SUSD1: variants seen among roughly 807,000 people sequenced by gnomAD.
SUSD1 encodes sushi domain-containing protein 1.
SUSD1 carries 65 observed loss-of-function variants against 86.9 expected under a neutral mutation model. That is an observed-to-expected ratio of 0.75 (90% CI 0.61 to 0.92). The LOEUF (loss-of-function observed/expected upper bound fraction) is 0.92. SUSD1 is among the 40% of genes least tolerant of loss of function. The pLI, the probability that SUSD1 is intolerant of heterozygous loss-of-function variation, is 0.00. For missense variants in SUSD1, 850 were observed against 929.7 expected (o/e 0.91, Z 1.11); for synonymous variants, 346 against 350.0 (o/e 0.99, Z 0.13).
chr9:112,052,441 A>T lies in SUSD1; in HGVS notation c.2110-3T>A, dbSNP rs367875330. 2 of 1,613,966 alleles carry T rather than the reference A, an allele frequency of 1.2e-6. No homozygotes were observed. Among genetic ancestry groups the T allele is most frequent in the African/African-American group, 2.7e-5 (2 of 74,942 alleles). Reference sequence around the variant, plus strand: ...ACTGCACAGGAGTGTCTTCTCACCTATAAAGGAAAACATAGCAATGCATTT... The same window carrying T: ...ACTGCACAGGAGTGTCTTCTCACCTTTAAAGGAAAACATAGCAATGCATTT... On this transcript the variant is annotated splice_region_variant and splice_polypyrimidine_tract_variant and intron_variant, in intron 14 of 16. Coordinates refer to ENST00000374270, the MANE Select transcript of SUSD1 (RefSeq NM_022486.5).
chr9:112,073,841 C>T (rs1412050659), intron 12 of SUSD1, among the ~76,000 whole-genome samples: 4 of 151,590 alleles, frequency 2.6e-5, no homozygotes, highest in East Asian at 1.9e-4. Flanking sequence ...TGCAGTGAGT[C>T]GAGATCACAC....
At chr9:112,093,284 A>G (rs71503506) in intron 10 of SUSD1, among the ~76,000 whole-genome samples, 3,605 of 152,284 alleles carry the variant, frequency 0.024, 71 homozygotes, top group Middle Eastern at 0.041. Flanking sequence ...TTTCCAAGTA[A>G]TAAGTTCATA....
intron 4 of SUSD1, among the ~76,000 whole-genome samples, chr9:112,142,961 CTTTTTTTTTTTTTTTTTTTTT>C (rs529470594): frequency 0.017 from 508 of 30,210 alleles, 9 homozygotes; most frequent in Middle Eastern, 0.071. Flanking sequence ...TGAATTTTAG[CTTTTTTTTTTTTTTTTTTTTT>C]TTTTTTTTTT....
At chr9:112,110,634 A>G (rs1831053563) in intron 8 of SUSD1, among the ~76,000 whole-genome samples, 1 of 151,608 alleles carries the variant, frequency 6.6e-6, no homozygotes, top group Non-Finnish European at 1.5e-5. Context: ...GCCTCAAGCA[A>G]TCCTCCTCAG....
At chr9:112,167,126 T>C (rs1287918264) in intron 1 of SUSD1, among the ~76,000 whole-genome samples, 1 of 151,892 alleles carries the variant, frequency 6.6e-6, no homozygotes, top group Non-Finnish European at 1.5e-5. Flanking sequence ...TTTTTTTGTC[T>C]CCCTCTTTCA....
At chr9:112,156,166 A>AAG (rs2131816033) in intron 2 of SUSD1, among the ~76,000 whole-genome samples, 1 of 151,416 alleles carries the variant, frequency 6.6e-6, no homozygotes, top group East Asian at 1.9e-4. Context: ...AAAGGTAAAA[A>AAG]AAAAAAAAAC....
At chr9:112,047,968 C>T (rs1415263173) in intron 15 of SUSD1, among the ~76,000 whole-genome samples, 2 of 152,192 alleles carry the variant, frequency 1.3e-5, no homozygotes, top group African/African-American at 4.8e-5. Flanking sequence ...CAGACTAAGA[C>T]ACTTGCAGTT....
chr9:112,102,041 T>C (rs1830654662), intron 9 of SUSD1, 135 bp downstream of exon 9: 1 of 501,140 alleles, frequency 2.0e-6, no homozygotes, highest in African/African-American at 2.0e-5. Context: ...ACATCTTACA[T>C]CCATCTCTAG....
At chr9:112,157,442 C>T in intron 2 of SUSD1, 58 bp downstream of exon 2, 3 of 1,252,290 alleles carry the variant, frequency 2.4e-6, no homozygotes, top group Non-Finnish European at 3.5e-6. Context: ...CTCTTTAATA[C>T]AAGAGAATCT....
chr9:112,091,428 G>A (rs946603942), intron 10 of SUSD1, among the ~76,000 whole-genome samples: 55 of 152,220 alleles, frequency 3.6e-4, no homozygotes, highest in African/African-American at 1.2e-3. Context: ...TAAGAGTAAT[G>A]GTTTTCTACC....
At chr9:112,152,749 A>ATTTTTTTTTTTTTTT (rs1731913056) in intron 2 of SUSD1, among the ~76,000 whole-genome samples, 1 of 78,264 alleles carries the variant, frequency 1.3e-5, no homozygotes, top group African/African-American at 5.9e-5. Flanking sequence ...ATTTTTTTTA[A>ATTTTTTTTTTTTTTT]TCTTTTTTTT....
Position 112,110,746 on chromosome 9 carries a change from A to G in SUSD1, c.1171+908T>C, listed in dbSNP as rs1016552517. 2.0e-5 allele frequency among the ~76,000 whole-genome samples: 3 copies of G among 150,482 alleles called. No individual in the cohort carries two copies. In the East Asian group the frequency reaches 5.8e-4, roughly 29 times the overall value. On this transcript the variant is annotated intron_variant, in intron 8 of 16. Coordinates refer to ENST00000374270, the MANE Select transcript of SUSD1 (RefSeq NM_022486.5). ...CCCATAACCAGAGCTTTTTTTTTTT[A>G]ACTTACTGTAATTGTCACAATGTTG...
chr9:112,112,049 C>T (rs1464397118), intron 7 of SUSD1: 1 of 487,580 alleles, frequency 2.1e-6, no homozygotes, highest in African/African-American at 2.0e-5. Flanking sequence ...AGAAATCTCC[C>T]TAGGAAGTGC....
chr9:112,165,949 GA>G (rs1418229038), intron 1 of SUSD1, among the ~76,000 whole-genome samples: 2 of 142,328 alleles, frequency 1.4e-5, no homozygotes, highest in Non-Finnish European at 3.0e-5. Flanking sequence ...AAAGAAGAAA[GA>G]AAGAAAGAAA....
intron 1 of SUSD1, among the ~76,000 whole-genome samples, chr9:112,170,553 C>T (rs1453139617): frequency 1.3e-5 from 2 of 152,110 alleles, no homozygotes; most frequent in Non-Finnish European, 2.9e-5. Context: ...GCGAAACACA[C>T]TTTCCTTACA....
intron 5 of SUSD1, among the ~76,000 whole-genome samples, chr9:112,126,706 A>G (rs933906446): frequency 6.6e-6 from 1 of 152,204 alleles, no homozygotes; most frequent in Non-Finnish European, 1.5e-5. Flanking sequence ...GAAGCTTTAG[A>G]AAAACGCACG....
chr9:112,058,931 C>A (rs1450837694), intron 13 of SUSD1, among the ~76,000 whole-genome samples: 2 of 152,094 alleles, frequency 1.3e-5, no homozygotes, highest in Non-Finnish European at 2.9e-5. Context: ...GTAGCTGGGA[C>A]TACAGGTGCA....
In SUSD1 at chr9:112,041,197, G is replaced by T; in HGVS notation, c.*295C>A. ...AGTCCCAGCCAAGATTCACAGATCTGTATGTAGCCTTCGGTCAATATCACA... is the reference window on the plus strand; with the variant it reads ...AGTCCCAGCCAAGATTCACAGATCTTTATGTAGCCTTCGGTCAATATCACA... On this transcript the variant is annotated 3_prime_UTR_variant, in exon 17 of 17. Transcript: ENST00000374270. The T allele has an allele frequency of 1.8e-6, 1 of 567,470 alleles. No individual in the cohort carries two copies. The highest frequency in any genetic ancestry group is 3.2e-6 in the Non-Finnish European group (1 of 317,406). 35.2% of individuals were successfully genotyped at this position (567,470 alleles called of 1,614,324 possible).
intron 1 of SUSD1, among the ~76,000 whole-genome samples, chr9:112,157,972 C>A (rs1415939426): frequency 1.3e-5 from 2 of 151,672 alleles, no homozygotes; most frequent in Non-Finnish European, 1.5e-5. Context: ...TATAGGCACA[C>A]ATCACCACAC....
Sources: allele counts gnomAD v4.1 joint callset (sites outside exome capture counted in the v4.1 genomes callset), GRCh38; gene constraint gnomAD v4.1.1; transcripts MANE v1.5; gene names NCBI Gene and HGNC (gene_info 2026-07-23, HGNC 2026-07-21).